Variants in UBE2L5 observed in about 807,000 individuals in gnomAD.
UBE2L5 encodes the protein ubiquitin-conjugating enzyme E2 L5.
Under a neutral mutation model 10.0 loss-of-function variants are expected in UBE2L5, and 3 were observed. The observed-to-expected ratio is 0.30, with a 90% confidence interval of 0.14 to 0.78. The LOEUF is 0.78. Ranked by LOEUF, UBE2L5 falls within the 30% of genes least tolerant of loss-of-function variation. The probability of loss-of-function intolerance (pLI) is 0.65; values close to 1 mark genes in which losing one functional copy is unlikely to be tolerated. For synonymous variants in UBE2L5, 60 were observed against 71.9 expected, an observed-to-expected ratio of 0.83 and a Z score of 0.83; for missense variants, 131 against 193.3, an observed-to-expected ratio of 0.68 and a Z score of 1.91.
chr13:30,428,580 T>C lies in UBE2L5; in HGVS notation c.*125T>C, dbSNP rs953029685. On this transcript the variant is annotated 3_prime_UTR_variant, in exon 4 of 4. Transcript: ENST00000635918. ...CCGTCTGGCGTTCGCTTGCAGCAGT[T>C]ACTAACTTTCTACAGTTTTCTTAAT... 1.8e-6 allele frequency: 2 copies of C among 1,092,332 alleles called. No homozygotes were observed. Among genetic ancestry groups the C allele is most frequent in the Non-Finnish European group, 1.3e-6 (1 of 763,566 alleles). 67.7% of individuals were successfully genotyped at this position (1,092,332 alleles called of 1,614,324 possible).
chr13:30,423,998 G>C (rs1440367958), intron 1 of UBE2L5, among the ~76,000 whole-genome samples: 1 of 152,250 alleles, frequency 6.6e-6, no homozygotes, highest in Non-Finnish European at 1.5e-5. Context: ...TTCCAGACCT[G>C]TTTGGCCTGC....
At position 30,429,009 on chromosome 13, in the gene UBE2L5, A is replaced by G. The variant is rs1885583288; in HGVS notation, c.*554A>G. On this transcript the variant is annotated 3_prime_UTR_variant, in exon 4 of 4. Transcript: ENST00000635918. Reference sequence around the variant, plus strand: ...CTGCGAGCCGGGTTTGGTGGCTCACACCTGTAATGCTATCACTTTGGGAAG... The same window carrying G: ...CTGCGAGCCGGGTTTGGTGGCTCACGCCTGTAATGCTATCACTTTGGGAAG... Among the ~76,000 whole-genome samples, 1 of 152,074 alleles carries G rather than the reference A, an allele frequency of 6.6e-6. No individual in the cohort carries two copies. The highest frequency in any genetic ancestry group is 2.4e-5 in the African/African-American group (1 of 41,404).
intron 2 of UBE2L5, among the ~76,000 whole-genome samples, chr13:30,425,554 C>T (rs1244189583): frequency 6.6e-6 from 1 of 152,228 alleles, no homozygotes; most frequent in African/African-American, 2.4e-5. Flanking sequence ...CGCTCCTCCC[C>T]ACCCAGCGCC....
Position 30,428,475 on chromosome 13 carries a change from C to T in UBE2L5, c.*20C>T. ...GACTAAAATGTGCCACGATTGGTTC[C>T]AGCAAGTGTGAGCAGAGACCCCGTG... On this transcript the variant is annotated 3_prime_UTR_variant, in exon 4 of 4. Coordinates refer to ENST00000635918, the MANE Select transcript of UBE2L5 (RefSeq NM_001355247.2). 1.2e-6 allele frequency: 2 copies of T among 1,610,002 alleles called. No homozygotes were observed. The highest frequency in any genetic ancestry group is 1.7e-6 in the Non-Finnish European group (2 of 1,179,298).
In UBE2L5 at chr13:30,427,576, G is replaced by T; in HGVS notation, c.-415G>T. On this transcript the variant is annotated 5_prime_UTR_variant, in exon 4 of 4. Coordinates refer to ENST00000635918, the MANE Select transcript of UBE2L5 (RefSeq NM_001355247.2). Reference sequence around the variant, plus strand: ...GCACTTTGGGAGACTAACGCGGGCGGATCACTTGAGGTCAGGAGTTCGAGA... The same window carrying T: ...GCACTTTGGGAGACTAACGCGGGCGTATCACTTGAGGTCAGGAGTTCGAGA... 1 of 185,378 alleles carries T rather than the reference G, an allele frequency of 5.4e-6. No homozygotes were observed. The highest frequency in any genetic ancestry group is 1.6e-4 in the East Asian group (1 of 6,408). The allele number at this position is 185,378 out of a possible 1,614,324, so 11.5% of individuals were successfully genotyped here.
chr13:30,423,457 A>G (rs1885495101), intron 1 of UBE2L5, among the ~76,000 whole-genome samples: 4 of 152,204 alleles, frequency 2.6e-5, no homozygotes. Flanking sequence ...AAAAAAATAC[A>G]GTATTAGCTG....
chr13:30,425,586 CT>C (rs1264942411), intron 2 of UBE2L5, among the ~76,000 whole-genome samples: 2 of 152,246 alleles, frequency 1.3e-5, no homozygotes, highest in Non-Finnish European at 2.9e-5. Context: ...TGCCATATTA[CT>C]GAGTCTTGGA....
Position 30,428,153 on chromosome 13 carries a change from A to G in UBE2L5, c.163A>G (p.Ile55Val). 3 of 1,607,636 alleles carry G rather than the reference A, an allele frequency of 1.9e-6. No homozygotes were observed. ...TAATAAGGGGGCCTTCAGAATCGAA[A>G]TCAACTTTCCAGCAGAGTACCCATT... Reference protein sequence around the residue: ...PYNKGAFRIEINFPAEYPFKP... With the variant: ...PYNKGAFRIEVNFPAEYPFKP... Residue 55 changes from isoleucine (I) to valine (V), a missense_variant, in exon 4 of 4, where the codon ATC becomes GTC. Physicochemically the swap from Ile to Val is conservative, Grantham distance 29 (BLOSUM62 3). Coordinates refer to ENST00000635918, the MANE Select transcript of UBE2L5 (RefSeq NM_001355247.2).
rs1885593602 is a variant in UBE2L5, at chr13:30,429,462, T to C, written c.*1007T>C. ...AAGAGTAGCTTTGCCACCTCTCATT[T>C]TGGCTGGGCTGCTCTGAGGTGCTGC... On this transcript the variant is annotated 3_prime_UTR_variant, in exon 4 of 4. Coordinates refer to ENST00000635918, the MANE Select transcript of UBE2L5 (RefSeq NM_001355247.2). 6.6e-6 allele frequency among the ~76,000 whole-genome samples: 1 copy of C among 152,274 alleles called. No individual in the cohort carries two copies. Among genetic ancestry groups the C allele is most frequent in the East Asian group, 1.9e-4 (1 of 5,176 alleles).
At chr13:30,425,339 A>C (rs9579571) in intron 2 of UBE2L5, among the ~76,000 whole-genome samples, 5,952 of 152,266 alleles carry the variant, frequency 0.039, 215 homozygotes, top group African/African-American at 0.096. Flanking sequence ...TTGTCTACTT[A>C]TCACTTCATG....
rs1885478889 is a variant in UBE2L5 at position 30,422,546 on chromosome 13, T to G, written c.-910T>G. 1 of 152,188 alleles carries G rather than the reference T, an allele frequency of 6.6e-6. No homozygotes were observed. Among genetic ancestry groups the G allele is most frequent in the African/African-American group, 2.4e-5 (1 of 41,448 alleles). 9.4% of individuals were successfully genotyped at this position (152,188 alleles called of 1,614,324 possible). ...GGAAAGCTGTTCTCCTTTGATGCTC[T>G]TTGGTTTTACAGTGGAAAACTACAA... On this transcript the variant is annotated 5_prime_UTR_variant, in exon 1 of 4. Transcript: ENST00000635918.
At chr13:30,424,170 A>C (rs1417093299) in intron 1 of UBE2L5, among the ~76,000 whole-genome samples, 1 of 152,172 alleles carries the variant, frequency 6.6e-6, no homozygotes, top group African/African-American at 2.4e-5. Context: ...TGAGGGTGAC[A>C]GTCTGTACCT....
At chr13:30,424,281 A>C (rs1473141320) in intron 1 of UBE2L5, among the ~76,000 whole-genome samples, 1 of 152,256 alleles carries the variant, frequency 6.6e-6, no homozygotes, top group Non-Finnish European at 1.5e-5. Context: ...CAGACAAACC[A>C]CTGCACCCAG....
At chr13:30,427,184 A>G (rs1236932172) in intron 3 of UBE2L5, 177 bp from the exon 4 acceptor site, 1 of 152,228 alleles carries the variant, frequency 6.6e-6, no homozygotes, top group African/African-American at 2.4e-5. Flanking sequence ...TCAGGTAAGC[A>G]AGTATAATTT....
Position 30,428,502 on chromosome 13 carries a change from A to G in UBE2L5, c.*47A>G. Reference sequence around the variant, plus strand: ...GCAAGTGTGAGCAGAGACCCCGTGCAGTACATTCAGACACCCCGCAAAGCA... The same window carrying G: ...GCAAGTGTGAGCAGAGACCCCGTGCGGTACATTCAGACACCCCGCAAAGCA... On this transcript the variant is annotated 3_prime_UTR_variant, in exon 4 of 4. Coordinates refer to ENST00000635918, the MANE Select transcript of UBE2L5 (RefSeq NM_001355247.2). 7 of 1,592,336 alleles carry G rather than the reference A, an allele frequency of 4.4e-6. No individual in the cohort carries two copies. Among genetic ancestry groups the G allele is most frequent in the Non-Finnish European group, 6.0e-6 (7 of 1,173,604 alleles).
At chr13:30,425,556 C>T (rs564934032) in intron 2 of UBE2L5, among the ~76,000 whole-genome samples, 19 of 152,224 alleles carry the variant, frequency 1.2e-4, no homozygotes, top group Non-Finnish European at 2.1e-4. Flanking sequence ...CTCCTCCCCA[C>T]CCAGCGCCAT....
chr13:30,423,458 G>A (rs1885495144), intron 1 of UBE2L5, among the ~76,000 whole-genome samples: 1 of 152,098 alleles, frequency 6.6e-6, no homozygotes, highest in Admixed American at 6.6e-5. Context: ...AAAAAATACA[G>A]TATTAGCTGG....
chr13:30,423,467 G>T (rs915240063), intron 1 of UBE2L5, among the ~76,000 whole-genome samples: 3 of 152,312 alleles, frequency 2.0e-5, no homozygotes, highest in Non-Finnish European at 4.4e-5. Context: ...AGTATTAGCT[G>T]GGTGTGGTGG....
In UBE2L5 at chr13:30,428,213, T is replaced by C; in HGVS notation, c.223T>C (p.Tyr75His). 2 of 1,608,872 alleles carry C rather than the reference T, an allele frequency of 1.2e-6. No homozygotes were observed. Among genetic ancestry groups the C allele is most frequent in the Non-Finnish European group, 1.7e-6 (2 of 1,175,382 alleles). Residue 75 changes from tyrosine (Y) to histidine (H), a missense_variant, in exon 4 of 4, where the codon TAT (tyrosine) becomes CAT (histidine). Transcript: ENST00000635918. ...GAGGATCACATTTAAAACAAAGATC[T>C]ATCACCCGAACATCGACGAAAAGGG... The part of the protein sequence containing the change: ...PPRITFKTKI[Y>H]HPNIDEKGQV...
Sources: gnomAD v4.1 joint callset for allele counts (sites outside exome capture counted in the v4.1 genomes callset) on GRCh38, gnomAD v4.1.1 for gene constraint, MANE v1.5 for transcripts, NCBI Gene and HGNC (gene_info 2026-07-23, HGNC 2026-07-21) for gene names.